Variants in DHX15 observed in about 807,000 individuals in gnomAD.
The protein encoded by DHX15 is ATP-dependent RNA helicase DHX15.
Under a neutral mutation model 94.4 loss-of-function variants are expected in DHX15, and 11 were observed. The observed-to-expected ratio is 0.12, with a 90% CI of 0.07 to 0.19. The LOEUF (loss-of-function observed/expected upper bound fraction) is 0.19. DHX15 is among the 10% of genes least tolerant of loss of function. DHX15 has a pLI of 1.00. For missense variants in DHX15, 304 were observed against 988.5 expected (o/e 0.31, Z 9.29); for synonymous variants, 338 against 329.9 (o/e 1.02, Z -0.27).
chr4:24,581,106 C>T (rs1468739034), intron 1 of DHX15, among the ~76,000 whole-genome samples: 4 of 151,740 alleles, frequency 2.6e-5, no homozygotes, highest in Non-Finnish European at 4.4e-5. Context: ...TCTCGGCTCA[C>T]TGCAAGCTCC....
At position 24,581,192 on chromosome 4, in the gene DHX15, C is replaced by T. The variant is rs375089676; in HGVS notation, c.71+3131G>A. ...TACAGGTGCCCGCCACCACACCCGG[C>T]TAATTTTTTGTATTTTTAGTAGAGA... On this transcript the variant is annotated intron_variant, in intron 1 of 13. Coordinates refer to ENST00000336812, the MANE Select transcript of DHX15 (RefSeq NM_001358.3). 3.9e-5 allele frequency among the ~76,000 whole-genome samples: 6 copies of T among 152,028 alleles called. No homozygotes were observed. In the East Asian group the frequency reaches 7.8e-4, roughly 20 times the overall value.
chr4:24,549,352 C>T (rs1237026000), intron 5 of DHX15, among the ~76,000 whole-genome samples: 1 of 152,172 alleles, frequency 6.6e-6, no homozygotes, highest in African/African-American at 2.4e-5. Context: ...AATGCACTCA[C>T]GACCTTTTCA....
At chr4:24,550,299 T>G (rs1267421779) in intron 5 of DHX15, among the ~76,000 whole-genome samples, 1 of 151,784 alleles carries the variant, frequency 6.6e-6, no homozygotes, top group Non-Finnish European at 1.5e-5. Flanking sequence ...TAAAAAAATG[T>G]ATTTTCTTTT....
intron 12 of DHX15, chr4:24,530,018 A>G: frequency 1.8e-6 from 1 of 540,756 alleles, no homozygotes; most frequent in Non-Finnish European, 3.2e-6. Flanking sequence ...GAAAGAAAAA[A>G]TATCATACAA....
rs969512601 is a variant in DHX15 at position 24,584,522 on chromosome 4, G to A, written c.-129C>T. On this transcript the variant is annotated 5_prime_UTR_variant, in exon 1 of 14. Transcript: ENST00000336812. ...CTACTACAGCCCACACGGTGCGGCC[G>A]GAACCAACAGCTAAAATGGCGGCGG... 1.1e-6 allele frequency: 1 copy of A among 896,538 alleles called. No individual in the cohort carries two copies. Among genetic ancestry groups the A allele is most frequent in the South Asian group, 1.9e-5 (1 of 52,712 alleles). 55.5% of individuals were successfully genotyped at this position (896,538 alleles called of 1,614,324 possible). A position where few individuals can be genotyped will look rare whatever the true frequency, so the allele number is the denominator to read the frequency against.
At position 24,542,924 on chromosome 4, in the gene DHX15, T is replaced by G. The variant is rs1382934798; in HGVS notation, c.1335+16A>C. ...TAAACCAACTCTAATTTATAAAGTA[T>G]CCACTAAATATGTACCTTCTGTTTC... On this transcript the variant is annotated intron_variant, in intron 7 of 13. Transcript: ENST00000336812. The G allele has an allele frequency of 6.3e-7, 1 of 1,588,336 alleles. No individual in the cohort carries two copies.
chr4:24,571,529 C>T (rs75748252), intron 2 of DHX15, among the ~76,000 whole-genome samples: 4,702 of 152,306 alleles, frequency 0.031, 204 homozygotes, highest in African/African-American at 0.098. Context: ...ACATTTTCCC[C>T]CAGTTCCATT....
rs1159056792 is a variant in DHX15, at chr4:24,527,611, C to T, written c.*313G>A. 3.0e-5 allele frequency: 7 copies of T among 235,592 alleles called. No individual in the cohort carries two copies. The highest frequency in any genetic ancestry group is 2.7e-4 in the East Asian group (3 of 11,084). The allele number at this position is 235,592 out of a possible 1,614,324, so 14.6% of individuals were successfully genotyped here. A position where few individuals can be genotyped will look rare whatever the true frequency, so the allele number is the denominator to read the frequency against. On this transcript the variant is annotated 3_prime_UTR_variant, in exon 14 of 14. Transcript: ENST00000336812. ...TTACAACGATCATGCATACCATGGT[C>T]GATAATCACATTTTAGAAGCATTTT...
rs775498461 is a variant in DHX15 at position 24,556,243 on chromosome 4, T to C, written c.861+8A>G. 1 of 1,612,460 alleles carries C rather than the reference T, an allele frequency of 6.2e-7. No homozygotes were observed. Among genetic ancestry groups the C allele is most frequent in the Non-Finnish European group, 8.5e-7 (1 of 1,179,044 alleles). On this transcript the variant is annotated splice_region_variant and intron_variant, in intron 4 of 13. Transcript: ENST00000336812. ...ATATAGTTAAATGGAGAGAAGAAAT[T>C]ACTTCACCTTTAAATCTGATCTCTG...
intron 11 of DHX15, among the ~76,000 whole-genome samples, chr4:24,535,104 C>A (rs1016666930): frequency 6.6e-6 from 1 of 152,120 alleles, no homozygotes; most frequent in African/African-American, 2.4e-5. Context: ...AATGGCTAAT[C>A]ATCCCTTTGG....
At chr4:24,547,893 GTATGTA>G (rs770700693) in intron 6 of DHX15, among the ~76,000 whole-genome samples, 32,387 of 66,700 alleles carry the variant, frequency 0.49, 4,893 homozygotes, top group East Asian at 0.58. Context: ...CTCTCTCTAT[GTATGTA>G]TGTGTATATA....
At position 24,527,626 on chromosome 4, in the gene DHX15, A is replaced by G. The variant is rs1577329294; in HGVS notation, c.*298T>C. ...ATACCATGGTCGATAATCACATTTT[A>G]GAAGCATTTTCAACCATTTCTAAAG... On this transcript the variant is annotated 3_prime_UTR_variant, in exon 14 of 14. Coordinates refer to ENST00000336812, the MANE Select transcript of DHX15 (RefSeq NM_001358.3). 13 of 259,502 alleles carry G rather than the reference A, an allele frequency of 5.0e-5. No homozygotes were observed. The East Asian group carries it at 1.0e-3, about 20-fold the overall frequency. 16.1% of individuals were successfully genotyped at this position (259,502 alleles called of 1,614,324 possible).
intron 3 of DHX15, among the ~76,000 whole-genome samples, chr4:24,563,685 G>A (rs1372516139): frequency 6.6e-6 from 1 of 152,094 alleles, no homozygotes; most frequent in Non-Finnish European, 1.5e-5. Flanking sequence ...ACAAGTTTAA[G>A]GTAGCTGAGA....
chr4:24,528,272 T>G (rs1721001693), intron 13 of DHX15, among the ~76,000 whole-genome samples: 3 of 152,164 alleles, frequency 2.0e-5, no homozygotes, highest in Non-Finnish European at 1.5e-5. Context: ...ACCATAAACT[T>G]AATAACAAAC....
At chr4:24,579,437 A>G (rs1166792646) in intron 1 of DHX15, among the ~76,000 whole-genome samples, 1 of 152,160 alleles carries the variant, frequency 6.6e-6, no homozygotes, top group Non-Finnish European at 1.5e-5. Context: ...ATTATAAAGG[A>G]GTTTTGTTCT....
chr4:24,555,435 T>C (rs1039243343), intron 4 of DHX15, among the ~76,000 whole-genome samples: 2 of 152,194 alleles, frequency 1.3e-5, no homozygotes, highest in African/African-American at 2.4e-5. Flanking sequence ...TAAATAATGA[T>C]AGTACTCACA....
intron 3 of DHX15, among the ~76,000 whole-genome samples, chr4:24,568,035 G>A (rs1007901225): frequency 3.3e-5 from 5 of 152,108 alleles, no homozygotes; most frequent in Non-Finnish European, 4.4e-5. Flanking sequence ...TTATGAATAG[G>A]TATCCCAAAC....
At position 24,541,843 on chromosome 4, in the gene DHX15, AT is replaced by A. The variant is rs767381706; in HGVS notation, c.1485+29del. 4.6e-6 allele frequency: 7 copies of A among 1,522,296 alleles called. No individual in the cohort carries two copies. In the South Asian group the frequency reaches 8.8e-5, roughly 19 times the overall value. 94.3% of individuals were successfully genotyped at this position (1,522,296 alleles called of 1,614,324 possible). On this transcript the variant is annotated intron_variant, in intron 8 of 13. Coordinates refer to ENST00000336812, the MANE Select transcript of DHX15 (RefSeq NM_001358.3). ...GATAATTCAACCTAACATTTTAAAC[AT>A]ATCGGCAGGAAACGACAATACCCCA...
At chr4:24,579,468 T>C (rs578129401) in intron 1 of DHX15, among the ~76,000 whole-genome samples, 8 of 152,178 alleles carry the variant, frequency 5.3e-5, no homozygotes, top group Non-Finnish European at 7.4e-5. Flanking sequence ...CTAGTTGAAG[T>C]ATAAGGGTTT....
Sources: gnomAD v4.1 joint callset for allele counts (sites outside exome capture counted in the v4.1 genomes callset) on GRCh38, gnomAD v4.1.1 for gene constraint, MANE v1.5 for transcripts, NCBI Gene and HGNC (gene_info 2026-07-23, HGNC 2026-07-21) for gene names.